The following ABCA12 variants were observed in gnomAD, a reference collection of about 807,000 sequenced individuals.
The protein encoded by ABCA12 is ATP binding cassette subfamily A member 12.
In ABCA12, 156 loss-of-function variants were observed where a neutral mutation model predicts 293.5. That is an observed-to-expected ratio of 0.53 (90% confidence interval 0.47 to 0.61). ABCA12 has a LOEUF of 0.61. Ranked by LOEUF, ABCA12 falls within the 20% of genes least tolerant of loss-of-function variation. The pLI is 0.00. For synonymous variants in ABCA12, 1,063 were observed against 1,108.0 expected (o/e 0.96, Z 0.81); for missense variants, 2,797 against 3,090.2 (o/e 0.91, Z 2.25).
At chr2:215,025,873 A>G in intron 10 of ABCA12, 94 bp from the exon 11 acceptor site, 1 of 840,282 alleles carries the variant, frequency 1.2e-6, no homozygotes, top group South Asian at 1.4e-5. Flanking sequence ...TTATTACTAA[A>G]TTTTTCCTAA....
intron 8 of ABCA12, chr2:215,032,109 T>A: frequency 7.1e-7 from 1 of 1,413,822 alleles, no homozygotes; most frequent in Non-Finnish European, 9.2e-7. Context: ...ATCAAAATAA[T>A]CCCGATGGTC....
rs1409610 is a variant in ABCA12, at chr2:215,001,875, C to A, written c.2684-138G>T. ...CCTGCAGAATTTACTCTAAAAATATCTAGTATTCTACACCAAAGAAAATGG... is the reference window on the plus strand; with the variant it reads ...CCTGCAGAATTTACTCTAAAAATATATAGTATTCTACACCAAAGAAAATGG... On this transcript the variant is annotated intron_variant, in intron 20 of 52. Coordinates refer to ENST00000272895, the MANE Select transcript of ABCA12 (RefSeq NM_173076.3). The A allele has an allele frequency of 3.7e-5, 29 of 777,910 alleles. 1 individual carries two copies. Among genetic ancestry groups the A allele is most frequent in the Non-Finnish European group, 5.6e-5 (28 of 496,818 alleles). 48.2% of individuals were successfully genotyped at this position (777,910 alleles called of 1,614,324 possible). A position where few individuals can be genotyped will look rare whatever the true frequency, so the allele number is the denominator to read the frequency against.
At chr2:214,976,858 A>G (rs1462258177) in intron 33 of ABCA12, among the ~76,000 whole-genome samples, 6 of 152,152 alleles carry the variant, frequency 3.9e-5, no homozygotes, top group African/African-American at 1.4e-4. Context: ...CACTCCCTCT[A>G]AAAACAGGTT....
rs565536909 is a variant in ABCA12, at chr2:215,001,592, A to T, written c.2829T>A (p.Ala943=). The change falls in exon 21 of 53, where the codon GCT becomes GCA. Residue 943 remains alanine, a synonymous_variant. Coordinates refer to ENST00000272895, the MANE Select transcript of ABCA12 (RefSeq NM_173076.3). ...AKTIDEMERE[A]KRLYKSNELF... Reference sequence around the variant, plus strand: ...GTTCGTTGCTTTTGTAGAGCCTTTTAGCCTCTCTCTCCATTTCATCTATGG... The same window carrying T: ...GTTCGTTGCTTTTGTAGAGCCTTTTTGCCTCTCTCTCCATTTCATCTATGG... The T allele has an allele frequency of 6.2e-7, 1 of 1,613,804 alleles. No individual in the cohort carries two copies.
chr2:215,038,307 A>G (rs1701030858), intron 7 of ABCA12, among the ~76,000 whole-genome samples: 2 of 152,204 alleles, frequency 1.3e-5, no homozygotes, highest in African/African-American at 2.4e-5. Context: ...AGTTGAAAAA[A>G]GTTAAGTAAC....
chr2:215,115,493 G>A (rs1702666381), intron 1 of ABCA12, among the ~76,000 whole-genome samples: 2 of 152,084 alleles, frequency 1.3e-5, no homozygotes, highest in Non-Finnish European at 2.9e-5. Flanking sequence ...TATAGACACA[G>A]GAGCTACTGG....
chr2:214,944,229 T>G (rs1698502492), intron 49 of ABCA12, among the ~76,000 whole-genome samples: 1 of 151,934 alleles, frequency 6.6e-6, no homozygotes, highest in Non-Finnish European at 1.5e-5. Flanking sequence ...CTGGCCAACA[T>G]GCTGAAACCC....
chr2:215,075,387 T>C (rs1701814709), intron 2 of ABCA12: 2 of 546,356 alleles, frequency 3.7e-6, no homozygotes, highest in Non-Finnish European at 6.4e-6. Flanking sequence ...CTGAGCTAAC[T>C]TATGAGTTAT....
intron 2 of ABCA12, among the ~76,000 whole-genome samples, chr2:215,079,961 C>T (rs1395144326): frequency 1.3e-5 from 2 of 152,180 alleles, no homozygotes; most frequent in Admixed American, 1.3e-4. Context: ...TATCGTATTC[C>T]TAATATGTTT....
At chr2:214,944,867 A>ATG (rs1277999086) in intron 49 of ABCA12, 134 bp downstream of exon 49, 359 of 585,052 alleles carry the variant, frequency 6.1e-4, no homozygotes, top group African/African-American at 5.4e-3. Flanking sequence ...TATATTTTGT[A>ATG]TGTGTGTATA....
At chr2:214,937,125 G>A (rs1322614436) in intron 51 of ABCA12, among the ~76,000 whole-genome samples, 1 of 152,148 alleles carries the variant, frequency 6.6e-6, no homozygotes, top group African/African-American at 2.4e-5. Context: ...ATGTCGCTAT[G>A]ACATTACCAT....
Position 214,932,546 on chromosome 2 carries a change from G to T in ABCA12, c.*88C>A, listed in dbSNP as rs1403121976. 4 of 950,932 alleles carry T rather than the reference G, an allele frequency of 4.2e-6. No homozygotes were observed. Among genetic ancestry groups the T allele is most frequent in the Non-Finnish European group, 6.7e-6 (4 of 595,152 alleles). 58.9% of individuals were successfully genotyped at this position (950,932 alleles called of 1,614,324 possible). ...ACAGTATATTACTTTACTTTAAAATGAAGATATCTTGCGGAAGTGTATCTT... is the reference window on the plus strand; with the variant it reads ...ACAGTATATTACTTTACTTTAAAATTAAGATATCTTGCGGAAGTGTATCTT... On this transcript the variant is annotated 3_prime_UTR_variant, in exon 53 of 53. Coordinates refer to ENST00000272895, the MANE Select transcript of ABCA12 (RefSeq NM_173076.3).
At chr2:215,043,600 T>G (rs1277856899) in intron 7 of ABCA12, among the ~76,000 whole-genome samples, 4 of 152,138 alleles carry the variant, frequency 2.6e-5, no homozygotes, top group Non-Finnish European at 4.4e-5. Flanking sequence ...GTTGTTGATT[T>G]TTTAATCAAA....
At chr2:215,008,779 A>G (rs1312713639) in intron 18 of ABCA12, among the ~76,000 whole-genome samples, 1 of 152,148 alleles carries the variant, frequency 6.6e-6, no homozygotes, top group Non-Finnish European at 1.5e-5. Flanking sequence ...GGTGAGAACC[A>G]AATACAAAAA....
intron 36 of ABCA12, among the ~76,000 whole-genome samples, chr2:214,972,822 G>A (rs890998601): frequency 1.3e-4 from 19 of 151,348 alleles, no homozygotes; most frequent in African/African-American, 4.4e-4. Context: ...ATTAGATAAA[G>A]GATTTTAAAA....
chr2:215,009,906 C>A (rs1700334770), intron 18 of ABCA12, among the ~76,000 whole-genome samples: 1 of 152,150 alleles, frequency 6.6e-6, no homozygotes, highest in African/African-American at 2.4e-5. Flanking sequence ...TTAAATTGTA[C>A]AACTAAATAT....
In ABCA12 at chr2:215,052,553, C is replaced by T. The variant is rs755300469; in HGVS notation, c.441G>A (p.Leu147=). The T allele has an allele frequency of 6.2e-7, 1 of 1,612,472 alleles. No homozygotes were observed. Among genetic ancestry groups the T allele is most frequent in the South Asian group, 1.1e-5 (1 of 91,060 alleles). ...TGAAAGTATATGTTCCGGGGATTTC[C>T]AAATCAGAACTTGGACTGGGAAATA... ...ATVFPSPSSD[L]EIPGTYTFNG... is the part of the protein sequence containing the mutation. Residue 147 remains leucine, a synonymous_variant, in exon 5 of 53, where the codon TTG becomes TTA. Transcript: ENST00000272895.
At chr2:214,991,613 C>T (rs958946006) in intron 23 of ABCA12, among the ~76,000 whole-genome samples, 3 of 152,246 alleles carry the variant, frequency 2.0e-5, no homozygotes, top group Non-Finnish European at 2.9e-5. Flanking sequence ...TATAGCCTTC[C>T]CATCCTTAAC....
chr2:215,076,650 A>G (rs1035685458), intron 2 of ABCA12, among the ~76,000 whole-genome samples: 2 of 152,236 alleles, frequency 1.3e-5, no homozygotes, highest in African/African-American at 4.8e-5. Flanking sequence ...GAGGTACTCT[A>G]GAAAAACACA....
Sources: allele counts gnomAD v4.1 joint callset (sites outside exome capture counted in the v4.1 genomes callset), GRCh38; gene constraint gnomAD v4.1.1; transcripts MANE v1.5; gene names NCBI Gene and HGNC (gene_info 2026-07-23, HGNC 2026-07-21).